Variants in ZDHHC11 observed in about 807,000 individuals in gnomAD.
The protein encoded by ZDHHC11 is zDHHC palmitoyltransferase 11.
Under a neutral mutation model 51.3 loss-of-function variants are expected in ZDHHC11, and 44 were observed. The ratio of observed to expected loss-of-function variants is 0.86; its 90% CI spans 0.67 to 1.10. The LOEUF (loss-of-function observed/expected upper bound fraction) is 1.10. Ranked by LOEUF, ZDHHC11 falls within the 50% of genes least tolerant of loss-of-function variation. The pLI, the probability that ZDHHC11 is intolerant of heterozygous loss-of-function variation, is 0.00. For missense variants in ZDHHC11, 400 were observed against 537.7 expected (o/e 0.74, Z 2.53); for synonymous variants, 163 against 222.0 (o/e 0.73, Z 2.36).
At chr5:844,028 T>TG (rs1745660050) in intron 3 of ZDHHC11, among the ~76,000 whole-genome samples, 2 of 12,496 alleles carry the variant, frequency 1.6e-4, no homozygotes, top group African/African-American at 2.1e-4. Flanking sequence ...AGGGCAGGTG[T>TG]GGGGGGCGCA....
chr5:814,366 TG>T (rs1740482036), intron 11 of ZDHHC11, among the ~76,000 whole-genome samples: 1 of 151,276 alleles, frequency 6.6e-6, no homozygotes. Context: ...GCAGTTGGGC[TG>T]GAATTGTGCA....
At chr5:850,347 T>G in intron 1 of ZDHHC11, 34 bp downstream of exon 1, 1 of 1,603,910 alleles carries the variant, frequency 6.2e-7, no homozygotes, top group Non-Finnish European at 8.5e-7. Flanking sequence ...CAGGAACCCC[T>G]CCCGCTTAGA....
intron 11 of ZDHHC11, 152 bp from the exon 12 acceptor site, chr5:801,316 C>T: frequency 9.8e-7 from 1 of 1,015,264 alleles, no homozygotes; most frequent in Admixed American, 2.5e-5. Flanking sequence ...GTTTCAGAGC[C>T]TTCATTTTTG....
intron 8 of ZDHHC11, chr5:823,307 G>C (rs1741804715): frequency 6.6e-6 from 1 of 150,556 alleles, no homozygotes; most frequent in African/African-American, 2.4e-5. Flanking sequence ...GGACTGAGCT[G>C]TGTGTGTGTG....
chr5:843,806 G>A (rs1275799724), intron 3 of ZDHHC11, 82 bp from the exon 4 acceptor site: 2 of 457,390 alleles, frequency 4.4e-6, no homozygotes, highest in African/African-American at 3.6e-5. Context: ...GGGGCACGGG[G>A]GCAGGGGGTG....
Position 814,816 on chromosome 5 carries a change from A to G in ZDHHC11, c.1147-21T>C, listed in dbSNP as rs1488158249. 6 of 1,531,558 alleles carry G rather than the reference A, an allele frequency of 3.9e-6. No homozygotes were observed. In the African/African-American group the frequency reaches 8.3e-5, roughly 21 times the overall value. 94.9% of individuals were successfully genotyped at this position (1,531,558 alleles called of 1,614,324 possible). ...GCTTCCTGTGGGGGGAAGGGATGCA[A>G]AATTCATAGGATGAACAAAGACCTT... On this transcript the variant is annotated intron_variant, in intron 10 of 12. Coordinates refer to ENST00000283441, the MANE Select transcript of ZDHHC11 (RefSeq NM_024786.3).
chr5:823,463 A>G (rs1579636330), intron 8 of ZDHHC11: 1 of 151,564 alleles, frequency 6.6e-6, no homozygotes, highest in East Asian at 1.9e-4. Flanking sequence ...AGTTTGTTCC[A>G]TTCATCTACT....
intron 5 of ZDHHC11, 132 bp from the exon 6 acceptor site, chr5:837,612 A>G: frequency 1.0e-6 from 1 of 965,120 alleles, no homozygotes; most frequent in Non-Finnish European, 1.6e-6. Flanking sequence ...TCCGCCCACC[A>G]TGCAGGCCCT....
intron 7 of ZDHHC11, among the ~76,000 whole-genome samples, chr5:831,291 A>G (rs1743046242): frequency 6.7e-6 from 1 of 149,542 alleles, no homozygotes; most frequent in African/African-American, 2.5e-5. Context: ...GCAAGAAAAA[A>G]CAAATCATCC....
Position 848,668 on chromosome 5 carries a change from GTC to G in ZDHHC11, c.223-10_223-9del. ...GAAGATCCCCCCGGTCACCTGGCAT[GTC>G]AAGGAAGAACCTGGCCCAGGGCCTG... On this transcript the variant is annotated splice_polypyrimidine_tract_variant and intron_variant, in intron 1 of 12. Transcript: ENST00000283441. The G allele has an allele frequency of 6.2e-7, 1 of 1,608,978 alleles. No homozygotes were observed. The highest frequency in any genetic ancestry group is 1.7e-5 in the Admixed American group (1 of 59,692).
chr5:843,975 GGC>G (rs1303592375), intron 3 of ZDHHC11, among the ~76,000 whole-genome samples: 560 of 117,652 alleles, frequency 4.8e-3, no homozygotes, highest in African/African-American at 0.024. Flanking sequence ...CAGAGGCAGG[GGC>G]AGGGACACGC....
At chr5:858,599 GC>G (rs1326753168) in intron 1 of ZDHHC11, among the ~76,000 whole-genome samples, 1 of 151,984 alleles carries the variant, frequency 6.6e-6, no homozygotes, top group Non-Finnish European at 1.5e-5. Context: ...CTCTCCTCCA[GC>G]CCCCCAAACG....
rs1490805959 is a variant in ZDHHC11, at chr5:803,344, G to C, written c.1182-2180C>G. On this transcript the variant is annotated intron_variant, in intron 11 of 12. Coordinates refer to ENST00000283441, the MANE Select transcript of ZDHHC11 (RefSeq NM_024786.3). Reference sequence around the variant, plus strand: ...GACAGACATTCCCCCCTTGTTTGTAGCTTGTTTGTAGCTAGATATTTGAGG... The same window carrying C: ...GACAGACATTCCCCCCTTGTTTGTACCTTGTTTGTAGCTAGATATTTGAGG... Among the ~76,000 whole-genome samples, 12 of 151,372 alleles carry C rather than the reference G, an allele frequency of 7.9e-5. 2 individuals are homozygous for C. The highest frequency in any genetic ancestry group is 1.6e-4 in the Non-Finnish European group (11 of 67,706).
chr5:848,762 C>T, intron 1 of ZDHHC11, 102 bp from the exon 2 acceptor site: 1 of 1,504,558 alleles, frequency 6.6e-7, no homozygotes, highest in Non-Finnish European at 9.0e-7. Flanking sequence ...GCTGGTCAGC[C>T]CTGCTCACCC....
upstream of ZDHHC11, among the ~76,000 whole-genome samples, chr5:853,430 CAGAGGA>C (rs1747615737): frequency 4.1e-5 from 6 of 145,890 alleles, no homozygotes; most frequent in Admixed American, 1.4e-4. Context: ...ACAGACCCCA[CAGAGGA>C]CAGTGAGCCA....
Position 843,899 on chromosome 5 carries a change from G to T in ZDHHC11, c.504-175C>A, listed in dbSNP as rs1410177239. On this transcript the variant is annotated intron_variant, in intron 3 of 12. Transcript: ENST00000283441. ...TGTGGGACAGGTGTGGGGGCGGGGA[G>T]GCAGGGGCAGGGACACGCAGGGCAT... Among the ~76,000 whole-genome samples, 14 of 115,176 alleles carry T rather than the reference G, an allele frequency of 1.2e-4. 1 individual carries two copies. In the South Asian group the frequency reaches 2.3e-3, roughly 19 times the overall value. 75.6% of individuals were successfully genotyped at this position (115,176 alleles called of 152,430 possible). A position where few individuals can be genotyped will look rare whatever the true frequency, so the allele number is the denominator to read the frequency against.
intron 7 of ZDHHC11, among the ~76,000 whole-genome samples, chr5:827,808 A>C (rs1408586910): frequency 6.7e-6 from 1 of 150,004 alleles, no homozygotes; most frequent in East Asian, 1.9e-4. Context: ...GCAGGGTCAT[A>C]GGACAATAGT....
intron 9 of ZDHHC11, 25 bp downstream of exon 9, chr5:821,836 A>G: frequency 5.0e-6 from 8 of 1,589,626 alleles, no homozygotes; most frequent in East Asian, 2.2e-5. Flanking sequence ...TAGATAAAAT[A>G]ATCCCATTAA....
chr5:856,208 A>C (rs556172659), intron 1 of ZDHHC11, among the ~76,000 whole-genome samples: 8 of 150,790 alleles, frequency 5.3e-5, no homozygotes, highest in South Asian at 2.1e-4. Context: ...ACACCACACA[A>C]CACAGACCAC....
Sources: gnomAD v4.1 joint callset for allele counts (sites outside exome capture counted in the v4.1 genomes callset) on GRCh38, gnomAD v4.1.1 for gene constraint, MANE v1.5 for transcripts, NCBI Gene and HGNC (gene_info 2026-07-23, HGNC 2026-07-21) for gene names.